The following CAPN7 variants were observed in gnomAD, a reference collection of about 807,000 sequenced individuals.
CAPN7 encodes calpain 7.
CAPN7 carries 72 observed loss-of-function variants against 115.2 expected under a neutral mutation model. The observed-to-expected ratio is 0.63, with a 90% CI of 0.52 to 0.76. CAPN7 has a LOEUF of 0.76. Ranked by LOEUF, CAPN7 falls within the 30% of genes least tolerant of loss-of-function variation. The pLI is 0.00. For synonymous variants in CAPN7, 344 were observed against 322.3 expected (o/e 1.07, Z -0.72); for missense variants, 905 against 971.5 (o/e 0.93, Z 0.91).
chr3:15,246,749 C>CT lies in CAPN7; in HGVS notation c.2031dup (p.Thr678TyrfsTer16). 1 of 1,607,302 alleles carries CT rather than the reference C, an allele frequency of 6.2e-7. No individual in the cohort carries two copies. The highest frequency in any genetic ancestry group is 8.5e-7 in the Non-Finnish European group (1 of 1,175,132). ...AAATCTAGGTATATTCAGCATGCAGCTTTACTTTTTCAAAGATTCCTTCAC... is the reference window on the plus strand; with the variant it reads ...AAATCTAGGTATATTCAGCATGCAGCTTTTACTTTTTCAAAGATTCCTTCAC... On this transcript the variant is annotated frameshift_variant, in exon 18 of 21. Coordinates refer to ENST00000253693, the MANE Select transcript of CAPN7 (RefSeq NM_014296.3). LOFTEE classifies it high-confidence loss of function.
At chr3:15,225,556 A>G (rs568598405) in intron 6 of CAPN7, among the ~76,000 whole-genome samples, 9 of 152,348 alleles carry the variant, frequency 5.9e-5, no homozygotes, top group Non-Finnish European at 1.3e-4. Context: ...TGCTCATAAT[A>G]TAATTGGAAA....
intron 17 of CAPN7, chr3:15,246,423 C>T: frequency 3.4e-6 from 1 of 296,684 alleles, no homozygotes; most frequent in Non-Finnish European, 6.2e-6. Flanking sequence ...ATAAGCGGCT[C>T]AATTTGAATA....
In CAPN7 at chr3:15,227,959, A is replaced by G; in HGVS notation, c.846A>G (p.Ile282Met). The change falls in exon 7 of 21, where the codon ATA (isoleucine) becomes ATG (methionine). Residue 282 changes from isoleucine (I) to methionine (M), a missense_variant. Transcript: ENST00000253693. ...TATATACTGTGTCCAGTTTTAGCAT[A>G]AAGCAGGTGAGCATTTATTTTGTAT... ...TMIYTVSSFSIKQTIVSDCSF... is the reference protein window; with the variant it reads ...TMIYTVSSFSMKQTIVSDCSF... 6.9e-7 allele frequency: 1 copy of G among 1,441,480 alleles called. No homozygotes were observed. Among genetic ancestry groups the G allele is most frequent in the Non-Finnish European group, 9.1e-7 (1 of 1,093,096 alleles). The allele number at this position is 1,441,480 out of a possible 1,614,324, so 89.3% of individuals were successfully genotyped here.
At chr3:15,250,098 CGTG>C in intron 19 of CAPN7, among the ~76,000 whole-genome samples, 1 of 147,610 alleles carries the variant, frequency 6.8e-6, no homozygotes, top group South Asian at 2.4e-4. Flanking sequence ...TGTGGCCAGG[CGTG>C]GTGGCTCAAG....
At chr3:15,233,188 T>C (rs1694794372) in intron 10 of CAPN7, among the ~76,000 whole-genome samples, 1 of 152,180 alleles carries the variant, frequency 6.6e-6, no homozygotes, top group Non-Finnish European at 1.5e-5. Flanking sequence ...ATCCATAATA[T>C]AAGGATAATA....
intron 15 of CAPN7, 129 bp downstream of exon 15, chr3:15,241,717 A>G (rs567731454): frequency 1.5e-6 from 1 of 687,598 alleles, no homozygotes; most frequent in African/African-American, 1.8e-5. Context: ...GTTTTCTCAG[A>G]TAAATGAATA....
chr3:15,220,602 A>G (rs1294593078), intron 4 of CAPN7, among the ~76,000 whole-genome samples, 179 bp from the exon 5 acceptor site: 7 of 152,216 alleles, frequency 4.6e-5, no homozygotes, highest in African/African-American at 1.4e-4. Flanking sequence ...TATTGTTTGT[A>G]AAAGATGCTT....
chr3:15,237,623 G>A (rs1005883560), intron 12 of CAPN7, among the ~76,000 whole-genome samples: 3 of 152,062 alleles, frequency 2.0e-5, no homozygotes, highest in Non-Finnish European at 2.9e-5. Flanking sequence ...AATTAAGTAC[G>A]CCAATAAGTT....
chr3:15,219,765 T>C (rs909335001), intron 4 of CAPN7, among the ~76,000 whole-genome samples: 7 of 152,242 alleles, frequency 4.6e-5, no homozygotes, highest in Non-Finnish European at 1.0e-4. Flanking sequence ...ATTTTTTAGC[T>C]CGTTAGTTCT....
chr3:15,242,731 TCTC>T (rs767992924), intron 16 of CAPN7, among the ~76,000 whole-genome samples: 8 of 152,210 alleles, frequency 5.3e-5, no homozygotes, highest in Non-Finnish European at 1.2e-4. Flanking sequence ...CTCAAGAATC[TCTC>T]CTCCTGCCTT....
chr3:15,234,208 C>T (rs1694857606), intron 11 of CAPN7, among the ~76,000 whole-genome samples: 1 of 152,098 alleles, frequency 6.6e-6, no homozygotes, highest in African/African-American at 2.4e-5. Flanking sequence ...CCCAGCTACT[C>T]AGGAGGCTGA....
intron 7 of CAPN7, among the ~76,000 whole-genome samples, chr3:15,228,638 G>A (rs886912606): frequency 1.3e-5 from 2 of 152,304 alleles, no homozygotes; most frequent in African/African-American, 4.8e-5. Flanking sequence ...TGTTCTCACT[G>A]ATAAGTGGGA....
chr3:15,232,753 G>A, intron 10 of CAPN7, 88 bp downstream of exon 10: 1 of 1,158,376 alleles, frequency 8.6e-7, no homozygotes, highest in South Asian at 1.8e-5. Flanking sequence ...TAGTCTTTTT[G>A]TTTATAGGGA....
intron 5 of CAPN7, 80 bp from the exon 6 acceptor site, chr3:15,223,395 A>ATTTTATTTTTAACTC: frequency 1.1e-6 from 1 of 873,642 alleles, no homozygotes; most frequent in African/African-American, 1.6e-5. Context: ...ATACCTTGTC[A>ATTTTATTTTTAACTC]TTTAAATTTT....
At chr3:15,210,883 T>C (rs2044899765) in intron 1 of CAPN7, 1 of 1,289,362 alleles carries the variant, frequency 7.8e-7, no homozygotes, top group Non-Finnish European at 1.0e-6. Flanking sequence ...ACAGGCATGA[T>C]GACCCATGAA....
chr3:15,207,053 G>C (rs1192354830), intron 1 of CAPN7, among the ~76,000 whole-genome samples: 1 of 152,224 alleles, frequency 6.6e-6, no homozygotes, highest in Admixed American at 6.5e-5. Context: ...TTAGCGATGT[G>C]ATATTTTCTG....
chr3:15,241,314 C>A lies in CAPN7; in HGVS notation c.1653-139C>A, dbSNP rs1294421335. 6.9e-6 allele frequency: 5 copies of A among 719,892 alleles called. No individual in the cohort carries two copies. The East Asian group carries it at 1.3e-4, about 19-fold the overall frequency. The allele number at this position is 719,892 out of a possible 1,614,324, so 44.6% of individuals were successfully genotyped here. A position where few individuals can be genotyped will look rare whatever the true frequency, so the allele number is the denominator to read the frequency against. On this transcript the variant is annotated intron_variant, in intron 14 of 20. Transcript: ENST00000253693. ...AATAGTTGTTTTCTTTCCATGCTTC[C>A]TAGTTATGCCAAAAAAATTTAAAAA...
chr3:15,217,300 C>T (rs1693686570), intron 2 of CAPN7, 125 bp from the exon 3 acceptor site: 16 of 811,318 alleles, frequency 2.0e-5, no homozygotes, highest in Admixed American at 3.7e-5. Flanking sequence ...TTTTTTTAAC[C>T]TTGCTAAGTT....
chr3:15,245,459 C>T, intron 16 of CAPN7, 67 bp from the exon 17 acceptor site: 1 of 1,445,372 alleles, frequency 6.9e-7, no homozygotes, highest in Non-Finnish European at 9.4e-7. Context: ...ATTATTTTTC[C>T]TACATCAACC....
Sources: allele counts gnomAD v4.1 joint callset (sites outside exome capture counted in the v4.1 genomes callset), GRCh38; gene constraint gnomAD v4.1.1; transcripts MANE v1.5; gene names NCBI Gene and HGNC (gene_info 2026-07-23, HGNC 2026-07-21).